SORCS1: variants seen among roughly 807,000 people sequenced by gnomAD.
The protein encoded by SORCS1 is sortilin related VPS10 domain containing receptor 1, also known as VPS10 domain-containing receptor SorCS1.
SORCS1 carries 60 observed loss-of-function variants against 146.1 expected under a neutral mutation model. That is an observed-to-expected ratio of 0.41 (90% CI 0.33 to 0.51). The LOEUF (loss-of-function observed/expected upper bound fraction) is 0.51. SORCS1 is among the 20% of genes least tolerant of loss of function. SORCS1 has a pLI of 0.21. For synonymous variants in SORCS1, 637 were observed against 584.0 expected (o/e 1.09, Z -1.31); for missense variants, 1,352 against 1,487.6 (o/e 0.91, Z 1.50).
chr10:106,646,633 T>C (rs1849456200), intron 18 of SORCS1, among the ~76,000 whole-genome samples: 1 of 152,060 alleles, frequency 6.6e-6, no homozygotes, highest in African/African-American at 2.4e-5. Flanking sequence ...GAGGCAGAGG[T>C]TGCGGTTGAG....
intron 24 of SORCS1, among the ~76,000 whole-genome samples, chr10:106,590,379 C>T (rs1242304399): frequency 6.6e-6 from 1 of 152,086 alleles, no homozygotes; most frequent in African/African-American, 2.4e-5. Context: ...CTCATATGCC[C>T]TGATAAACTA....
At chr10:106,677,209 G>C (rs1208991799) in intron 13 of SORCS1, 104 bp downstream of exon 13, 1 of 1,106,040 alleles carries the variant, frequency 9.0e-7, no homozygotes, top group Non-Finnish European at 1.3e-6. Context: ...TTTGGTAACA[G>C]ATTTACTACA....
rs528692400 is a variant in SORCS1, at chr10:106,937,255, C to T, written c.626+19258G>A. 2.4e-4 allele frequency among the ~76,000 whole-genome samples: 36 copies of T among 151,870 alleles called. No homozygotes were observed. The East Asian group carries it at 4.3e-3, about 18-fold the overall frequency. ...CATGGTCTCAGCTCACTGCACCCTC[C>T]GCCTCCCAGGTTCAAGCAATTCTCC... On this transcript the variant is annotated intron_variant, in intron 2 of 25. Transcript: ENST00000263054.
intron 1 of SORCS1, among the ~76,000 whole-genome samples, chr10:107,124,942 C>G (rs1270764694): frequency 6.9e-6 from 1 of 145,934 alleles, no homozygotes; most frequent in Non-Finnish European, 1.5e-5. Flanking sequence ...TTCTTTCTTT[C>G]TTTTCTTTTT....
chr10:106,758,421 A>G (rs572559602), intron 5 of SORCS1, among the ~76,000 whole-genome samples: 26 of 152,170 alleles, frequency 1.7e-4, no homozygotes, highest in African/African-American at 5.8e-4. Context: ...CCTACTTCCT[A>G]CCCTCTAGTT....
chr10:107,108,798 G>A (rs529165397), intron 1 of SORCS1, among the ~76,000 whole-genome samples: 8 of 152,174 alleles, frequency 5.3e-5, no homozygotes, highest in Non-Finnish European at 7.4e-5. Context: ...TTCTACTTAT[G>A]AGCCTGTAAC....
At chr10:107,151,138 C>G (rs193141570) in intron 1 of SORCS1, among the ~76,000 whole-genome samples, 2 of 152,116 alleles carry the variant, frequency 1.3e-5, no homozygotes, top group African/African-American at 4.8e-5. Flanking sequence ...AATTGGAAGG[C>G]TCAGAAGAAG....
chr10:106,849,233 T>C (rs1480950317), intron 2 of SORCS1, among the ~76,000 whole-genome samples: 1 of 151,144 alleles, frequency 6.6e-6, no homozygotes, highest in African/African-American at 2.4e-5. Context: ...CAATCAGATG[T>C]AGATTTGGTC....
intron 5 of SORCS1, among the ~76,000 whole-genome samples, chr10:106,739,401 C>T (rs1276302649): frequency 1.3e-5 from 2 of 151,864 alleles, no homozygotes; most frequent in East Asian, 3.9e-4. Context: ...AGGAGAATCA[C>T]TTGAACCCAG....
chr10:106,677,402 G>T lies in SORCS1; in HGVS notation c.1743C>A (p.Ile581=), dbSNP rs765297861. 1.2e-5 allele frequency: 19 copies of T among 1,613,738 alleles called. No homozygotes were observed. Among genetic ancestry groups the T allele is most frequent in the Admixed American group, 1.0e-4 (6 of 59,998 alleles). Residue 581 remains isoleucine, a splice_region_variant and synonymous_variant, in exon 13 of 26, where the codon ATC becomes ATA. Transcript: ENST00000263054. ...ACAAAACACTGTGCTCTTCTTCAAA[G>T]ATCTGGATGAGGAAAACACATACAT... The part of the protein sequence containing the change: ...SSDAGNTWRQ[I]FEEEHSVLYL...
chr10:106,675,388 T>G (rs1045718231), intron 13 of SORCS1, among the ~76,000 whole-genome samples: 1 of 152,120 alleles, frequency 6.6e-6, no homozygotes, highest in Non-Finnish European at 1.5e-5. Context: ...CAGAGCTACA[T>G]TAAATGAGAA....
chr10:107,131,971 A>T (rs1163969155), intron 1 of SORCS1, among the ~76,000 whole-genome samples: 1 of 152,216 alleles, frequency 6.6e-6, no homozygotes, highest in Non-Finnish European at 1.5e-5. Context: ...GCTGAAAAAT[A>T]GAAAATTTGT....
chr10:106,651,645 T>C (rs1228178921), intron 18 of SORCS1, among the ~76,000 whole-genome samples: 1 of 152,196 alleles, frequency 6.6e-6, no homozygotes, highest in African/African-American at 2.4e-5. Flanking sequence ...CATAATTAGG[T>C]ACCCAGAAAA....
At chr10:107,135,853 C>T (rs1967257377) in intron 1 of SORCS1, among the ~76,000 whole-genome samples, 1 of 152,132 alleles carries the variant, frequency 6.6e-6, no homozygotes, top group African/African-American at 2.4e-5. Context: ...CATGTCCTTT[C>T]ATAAAATAAT....
rs1952599718 is a variant in SORCS1 at position 106,919,435 on chromosome 10, TGCCTG to T, written c.626+37073_626+37077del. Among the ~76,000 whole-genome samples the T allele has an allele frequency of 3.3e-5, 5 of 152,326 alleles. No homozygotes were observed. In the South Asian group the frequency reaches 1.0e-3, roughly 32 times the overall value. ...CTCTCTCTTCCTCTGGAATATGGTC[TGCCTG>T]GGAAGAGGATGTTTACTGGGACCCC... On this transcript the variant is annotated intron_variant, in intron 2 of 25. Transcript: ENST00000263054.
intron 1 of SORCS1, among the ~76,000 whole-genome samples, chr10:107,002,107 C>G (rs143332863): frequency 6.6e-6 from 1 of 152,140 alleles, no homozygotes; most frequent in African/African-American, 2.4e-5. Flanking sequence ...AGGACAAGAA[C>G]GGCCCTGAGC....
intron 1 of SORCS1, among the ~76,000 whole-genome samples, chr10:107,058,367 A>G (rs1052781677): frequency 2.0e-5 from 3 of 152,194 alleles, no homozygotes; most frequent in African/African-American, 7.2e-5. Flanking sequence ...TCAACATGAC[A>G]GAGAACTAGG....
chr10:106,753,913 A>G (rs1348256190), intron 5 of SORCS1, among the ~76,000 whole-genome samples: 4 of 152,224 alleles, frequency 2.6e-5, no homozygotes, highest in Admixed American at 2.0e-4. Context: ...AAATTTCATT[A>G]CTATTGTCTA....
At chr10:107,164,948 C>A (rs1265426090), upstream of SORCS1, among the ~76,000 whole-genome samples, 81 of 150,078 alleles carry the variant, frequency 5.4e-4, no homozygotes, top group Non-Finnish European at 1.5e-5. This position sits in a 1 kb window ranked among gnomAD's most constrained non-coding sequence, Gnocchi z 6.8. Context: ...CTCCCCGCCG[C>A]CCACTCTGCG....
Sources: gnomAD v4.1 joint callset for allele counts (sites outside exome capture counted in the v4.1 genomes callset) on GRCh38, gnomAD v4.1.1 for gene constraint, Gnocchi (gnomAD v3.1) non-coding constraint, MANE v1.5 for transcripts, NCBI Gene and HGNC (gene_info 2026-07-23, HGNC 2026-07-21) for gene names.